The following ACTR5 variants were observed in gnomAD, a reference collection of about 807,000 sequenced individuals.
ACTR5 encodes the protein actin-related protein 5.
ACTR5 carries 43 observed loss-of-function variants against 61.2 expected under a neutral mutation model. The observed-to-expected ratio is 0.70, with a 90% CI of 0.55 to 0.91. The LOEUF is 0.91. ACTR5 is among the 40% of genes least tolerant of loss of function. ACTR5 has a pLI of 0.00. For synonymous variants in ACTR5, 333 were observed against 310.5 expected (o/e 1.07, Z -0.76); for missense variants, 798 against 782.2 (o/e 1.02, Z -0.24).
chr20:38,766,364 T>TA lies in ACTR5; in HGVS notation c.1421dup (p.Tyr474Ter). The TA allele has an allele frequency of 6.2e-7, 1 of 1,607,000 alleles. No individual in the cohort carries two copies. The highest frequency in any genetic ancestry group is 8.5e-7 in the Non-Finnish European group (1 of 1,178,224). ...GGCTGGGATTGCAGAGACTCTTCAG[T>TA]ACATTCTGGACAGGTGAGACAGCGA... is the stretch of plus-strand genomic sequence containing the variant. ...EQAGIAETLQYILDRYPKDIQ... is the reference protein window; with the variant it reads ...EQAGIAETLQ Residue 474 changes from tyrosine (Y) to a stop codon, truncating the protein, a stop_gained and frameshift_variant, in exon 7 of 9, where the codon TAC becomes TAAC. Transcript: ENST00000243903. LOFTEE classifies it high-confidence loss of function.
chr20:38,767,495 CA>C lies in ACTR5; in HGVS notation c.1466del (p.Gln489ArgfsTer15), dbSNP rs779942725. The part of the protein sequence containing the change: ...YPKDIQEMLV[Q>X]NVFLTGGNTM... ...AAAGGACATTCAGGAAATGCTGGTT[CA>C]GAACGTTTTCCTCACTGGCGGCAAC... On this transcript the variant is annotated frameshift_variant, in exon 8 of 9. Transcript: ENST00000243903. LOFTEE classifies it high-confidence loss of function. 3.3e-5 allele frequency: 54 copies of C among 1,613,884 alleles called. No homozygotes were observed. The highest frequency in any genetic ancestry group is 4.4e-5 in the Non-Finnish European group (52 of 1,179,962).
chr20:38,754,793 G>A (rs2084409398), intron 3 of ACTR5, among the ~76,000 whole-genome samples, 164 bp from the exon 4 acceptor site: 2 of 151,998 alleles, frequency 1.3e-5, no homozygotes, highest in Admixed American at 6.5e-5. Context: ...GTTTCACTGT[G>A]TTAGCCAGGA....
At position 38,752,284 on chromosome 20, in the gene ACTR5, T is replaced by C; in HGVS notation, c.759T>C (p.Ala253=). The C allele has an allele frequency of 6.2e-7, 1 of 1,609,934 alleles. No homozygotes were observed. The highest frequency in any genetic ancestry group is 1.1e-5 in the South Asian group (1 of 90,922). ...TTCTGCATGAGCACAGCTACATCGC[T>C]GAGGATTATGTGGAAGGTATCCAAG... ...EEILHEHSYI[A]EDYVEELHKW... is the part of the protein sequence containing the mutation. Residue 253 remains alanine, a synonymous_variant, in exon 3 of 9, where the codon GCT becomes GCC. Coordinates refer to ENST00000243903, the MANE Select transcript of ACTR5 (RefSeq NM_024855.4).
rs369643020 is a variant in ACTR5 at position 38,764,867 on chromosome 20, ACT to A, written c.1177-532_1177-531del. Among the ~76,000 whole-genome samples the A allele has an allele frequency of 5.9e-5, 9 of 152,142 alleles. No individual in the cohort carries two copies. In the South Asian group the frequency reaches 1.7e-3, roughly 28 times the overall value. ...GTATTTTTTGTAGAGACAAGGTTTC[ACT>A]CTGTTGCCCACGCTGGTCTCAAACT... On this transcript the variant is annotated intron_variant, in intron 5 of 8. Coordinates refer to ENST00000243903, the MANE Select transcript of ACTR5 (RefSeq NM_024855.4).
Position 38,766,309 on chromosome 20 carries a change from T to C in ACTR5, c.1365T>C (p.Ile455=). Residue 455 remains isoleucine (I), a synonymous_variant, in exon 7 of 9, where the codon ATT becomes ATC. Coordinates refer to ENST00000243903, the MANE Select transcript of ACTR5 (RefSeq NM_024855.4). ...GTERIRAPEI[I]FQPSLIGEEQ... ...AAAGAATTCGAGCTCCAGAGATTAT[T>C]TTCCAGCCATCTCTCATAGGAGAAG... 5 of 1,614,142 alleles carry C rather than the reference T, an allele frequency of 3.1e-6. No individual in the cohort carries two copies. Among genetic ancestry groups the C allele is most frequent in the Non-Finnish European group, 4.2e-6 (5 of 1,180,018 alleles).
intron 8 of ACTR5, 43 bp from the exon 9 acceptor site, chr20:38,771,516 T>G: frequency 6.3e-7 from 1 of 1,587,432 alleles, no homozygotes; most frequent in Non-Finnish European, 8.6e-7. Context: ...CATTCACTCC[T>G]GGAGCCCTGG....
chr20:38,769,726 T>A (rs965840105), intron 8 of ACTR5, among the ~76,000 whole-genome samples: 1 of 152,036 alleles, frequency 6.6e-6, no homozygotes, highest in African/African-American at 2.4e-5. Flanking sequence ...AAACATAAAA[T>A]GTGCTCTGGG....
intron 2 of ACTR5, among the ~76,000 whole-genome samples, chr20:38,751,188 G>A (rs369603651): frequency 6.6e-6 from 1 of 152,166 alleles, no homozygotes; most frequent in South Asian, 2.1e-4. Context: ...TTGCAGCTCT[G>A]CTACTTAACT....
At chr20:38,763,108 G>T in intron 5 of ACTR5, among the ~76,000 whole-genome samples, 1 of 152,152 alleles carries the variant, frequency 6.6e-6, no homozygotes, top group East Asian at 1.9e-4. Context: ...ATATACCTTT[G>T]GTTGCCATTC....
chr20:38,758,673 C>T (rs2084435116), intron 5 of ACTR5, among the ~76,000 whole-genome samples: 3 of 151,544 alleles, frequency 2.0e-5, no homozygotes, highest in Non-Finnish European at 2.9e-5. Context: ...GATGATCAGT[C>T]GTCAAAGCTT....
intron 2 of ACTR5, among the ~76,000 whole-genome samples, chr20:38,750,916 C>T (rs1398988373): frequency 6.6e-6 from 1 of 152,160 alleles, no homozygotes; most frequent in East Asian, 1.9e-4. Flanking sequence ...CAGGGGTGAG[C>T]CACCGCGCCC....
rs866114656 is a variant in ACTR5, at chr20:38,765,501, C to T, written c.1276C>T (p.Pro426Ser). ...AGAGGAAACACCTGGAGTGGAGAAGCCGGTCACCACTGTTCAGGTTTGACT... is the reference window on the plus strand; with the variant it reads ...AGAGGAAACACCTGGAGTGGAGAAGTCGGTCACCACTGTTCAGGTTTGACT... ...FSEETPGVEK[P>S]VTTVQPVFNL... is the part of the protein sequence containing the mutation. The change falls in exon 6 of 9, where the codon CCG becomes TCG. Residue 426 changes from proline to serine, a missense_variant. Coordinates refer to ENST00000243903, the MANE Select transcript of ACTR5 (RefSeq NM_024855.4). 1 of 1,613,950 alleles carries T rather than the reference C, an allele frequency of 6.2e-7. No homozygotes were observed. Among genetic ancestry groups the T allele is most frequent in the Non-Finnish European group, 8.5e-7 (1 of 1,179,806 alleles).
intron 4 of ACTR5, 100 bp from the exon 5 acceptor site, chr20:38,755,757 G>C: frequency 7.6e-7 from 1 of 1,314,538 alleles, no homozygotes; most frequent in East Asian, 2.3e-5. Flanking sequence ...GCTCTGGGCA[G>C]GGTAGGCCAG....
rs1209395673 is a variant in ACTR5 at position 38,761,719 on chromosome 20, A to G, written c.1177-3683A>G. ...AGGACTGATCTTCCGTCAAGAGTAT[A>G]CGAGTAGCTGCGCTCCCCTGCTAGA... On this transcript the variant is annotated intron_variant, in intron 5 of 8. Transcript: ENST00000243903. 3 of 154,270 alleles carry G rather than the reference A, an allele frequency of 1.9e-5. No individual in the cohort carries two copies. The East Asian group carries it at 5.8e-4, about 30-fold the overall frequency. The allele number at this position is 154,270 out of a possible 1,614,324, so 9.6% of individuals were successfully genotyped here. A position where few individuals can be genotyped will look rare whatever the true frequency, so the allele number is the denominator to read the frequency against.
At position 38,756,018 on chromosome 20, in the gene ACTR5, T is replaced by C; in HGVS notation, c.1155T>C (p.Asp385=). 1 of 1,612,934 alleles carries C rather than the reference T, an allele frequency of 6.2e-7. No homozygotes were observed. The highest frequency in any genetic ancestry group is 8.5e-7 in the Non-Finnish European group (1 of 1,179,882). The change falls in exon 5 of 9, where the codon GAT becomes GAC. Residue 385 remains aspartate (D), a synonymous_variant. Transcript: ENST00000243903. ...AAGCGGAAGTCAACCTCGAGGTGGATGTGGTAGACAGCAAGCCAGAGGTAA... is the reference window on the plus strand; with the variant it reads ...AAGCGGAAGTCAACCTCGAGGTGGACGTGGTAGACAGCAAGCCAGAGGTAA... ...ILQAEVNLEV[D]VVDSKPETPD... is the part of the protein sequence containing the mutation.
In ACTR5 at chr20:38,771,570, C is replaced by T. The variant is rs1418855885; in HGVS notation, c.1578C>T (p.Ala526=). 2 of 1,612,780 alleles carry T rather than the reference C, an allele frequency of 1.2e-6. No individual in the cohort carries two copies. Among genetic ancestry groups the T allele is most frequent in the Non-Finnish European group, 1.7e-6 (2 of 1,179,166 alleles). ...TCTTTGTGTTTCAGGTTCAACTTGC[C>T]TCGAACCCTGTGCTGGATGCCTGGT... is the stretch of plus-strand genomic sequence containing the variant. ...PFRSSFQVQL[A]SNPVLDAWYG... is the part of the protein sequence containing the mutation. Residue 526 remains alanine, a synonymous_variant, in exon 9 of 9, where the codon GCC becomes GCT. Coordinates refer to ENST00000243903, the MANE Select transcript of ACTR5 (RefSeq NM_024855.4).
intron 3 of ACTR5, among the ~76,000 whole-genome samples, chr20:38,753,665 T>C (rs1341287961): frequency 6.6e-6 from 1 of 152,202 alleles, no homozygotes; most frequent in Admixed American, 6.5e-5. Flanking sequence ...TATATCATTA[T>C]ATTCAAAGTG....
At chr20:38,749,217 A>C (rs529241335) in intron 1 of ACTR5, among the ~76,000 whole-genome samples, 1 of 152,266 alleles carries the variant, frequency 6.6e-6, no homozygotes, top group Non-Finnish European at 1.5e-5. Context: ...AAAGGCAGAC[A>C]GTAAACATAG....
intron 8 of ACTR5, among the ~76,000 whole-genome samples, chr20:38,770,859 C>T (rs374018007): frequency 1.3e-5 from 2 of 152,150 alleles, no homozygotes; most frequent in Non-Finnish European, 2.9e-5. Flanking sequence ...CCTTCAGTCC[C>T]GAAAGTTCTG....
Sources: allele counts gnomAD v4.1 joint callset (sites outside exome capture counted in the v4.1 genomes callset), GRCh38; gene constraint gnomAD v4.1.1; transcripts MANE v1.5; gene names NCBI Gene and HGNC (gene_info 2026-07-23, HGNC 2026-07-21).